Variants in DNAH14 observed in about 807,000 individuals in gnomAD.
The protein encoded by DNAH14 is axonemal beta dynein heavy chain 14.
A neutral mutation model predicts 520.9 loss-of-function variants in DNAH14; 478 were observed. The observed-to-expected ratio is 0.92, with a 90% confidence interval of 0.85 to 0.99. The LOEUF is 0.99. Ranked by LOEUF, DNAH14 falls within the 50% of genes least tolerant of loss-of-function variation. The pLI is 0.00. For missense variants in DNAH14, 4,831 were observed against 5,234.5 expected (o/e 0.92, Z 2.38); for synonymous variants, 1,581 against 1,757.2 (o/e 0.90, Z 2.51).
chr1:224,963,417 A>T (rs1236267205), intron 4 of DNAH14, among the ~76,000 whole-genome samples: 1 of 152,144 alleles, frequency 6.6e-6, no homozygotes, highest in African/African-American at 2.4e-5. Flanking sequence ...CCACATTTAT[A>T]GCTCTAATCC....
chr1:225,383,595 C>T (rs904611513), intron 81 of DNAH14, among the ~76,000 whole-genome samples: 3 of 152,122 alleles, frequency 2.0e-5, no homozygotes, highest in Non-Finnish European at 4.4e-5. Context: ...TAGAAATGTC[C>T]GGCTTGGACA....
intron 39 of DNAH14, among the ~76,000 whole-genome samples, chr1:225,204,597 T>C (rs943302273): frequency 2.0e-5 from 3 of 152,196 alleles, no homozygotes; most frequent in Non-Finnish European, 2.9e-5. Flanking sequence ...GCCACTGATA[T>C]TGCCTCTGAA....
chr1:225,161,035 C>T (rs570552831), intron 35 of DNAH14, among the ~76,000 whole-genome samples: 4 of 152,026 alleles, frequency 2.6e-5, no homozygotes, highest in Non-Finnish European at 5.9e-5. Flanking sequence ...GTTATATATA[C>T]TGTAAGTTCA....
Position 225,307,551 on chromosome 1 carries a change from A to C in DNAH14, c.9096A>C (p.Gln3032His), listed in dbSNP as rs766235139. The C allele has an allele frequency of 1.3e-6, 2 of 1,541,654 alleles. No homozygotes were observed. Among genetic ancestry groups the C allele is most frequent in the South Asian group, 2.4e-5 (2 of 82,650 alleles). ...MQEELLILGP[Q>H]VEQKTKETET... ...AAGAGCTCTTGATTCTTGGCCCTCAAGTAGAACAAAAAACAAAGGTATGTT... is the reference window on the plus strand; with the variant it reads ...AAGAGCTCTTGATTCTTGGCCCTCACGTAGAACAAAAAACAAAGGTATGTT... The change falls in exon 59 of 86, where the codon CAA becomes CAC. Residue 3032 changes from glutamine to histidine, a missense_variant. Coordinates refer to ENST00000682510, the MANE Select transcript of DNAH14 (RefSeq NM_001367479.1).
chr1:225,174,561 A>G (rs568673479), intron 36 of DNAH14, among the ~76,000 whole-genome samples: 1 of 152,144 alleles, frequency 6.6e-6, no homozygotes, highest in African/African-American at 2.4e-5. Flanking sequence ...TATTAGTTTT[A>G]AAAGCTTTTT....
chr1:225,277,647 C>G (rs980391721), intron 54 of DNAH14, 145 bp downstream of exon 54: 6 of 360,370 alleles, frequency 1.7e-5, no homozygotes, highest in Non-Finnish European at 3.4e-5. Flanking sequence ...CTCTTGTCCT[C>G]TCTGCAGTTT....
At chr1:225,325,868 C>A (rs1287675670) in intron 64 of DNAH14, among the ~76,000 whole-genome samples, 1 of 152,192 alleles carries the variant, frequency 6.6e-6, no homozygotes, top group Admixed American at 6.5e-5. Context: ...AGCGTTCCCA[C>A]TTGGCTGTAG....
chr1:225,073,456 A>G (rs2071801724), intron 17 of DNAH14, among the ~76,000 whole-genome samples: 1 of 152,074 alleles, frequency 6.6e-6, no homozygotes, highest in South Asian at 2.1e-4. Flanking sequence ...AGGATTGGGA[A>G]CCCACTTAAA....
intron 60 of DNAH14, among the ~76,000 whole-genome samples, chr1:225,312,372 C>T (rs552838932): frequency 6.6e-6 from 1 of 152,112 alleles, no homozygotes; most frequent in African/African-American, 2.4e-5. Context: ...TCTAAATATA[C>T]AATCATGTCA....
At chr1:225,216,575 G>A (rs370538180) in intron 41 of DNAH14, among the ~76,000 whole-genome samples, 4 of 152,164 alleles carry the variant, frequency 2.6e-5, no homozygotes, top group South Asian at 2.1e-4. Context: ...CCCATATTTC[G>A]TGGAGGTTTT....
intron 8 of DNAH14, among the ~76,000 whole-genome samples, chr1:224,984,538 A>T (rs956308182): frequency 5.3e-5 from 8 of 152,192 alleles, no homozygotes; most frequent in African/African-American, 1.9e-4. Context: ...AAAGATAAAT[A>T]GGGGGGACTT....
At chr1:224,976,356 A>T (rs1430988405) in intron 8 of DNAH14, among the ~76,000 whole-genome samples, 1 of 152,056 alleles carries the variant, frequency 6.6e-6, no homozygotes, top group African/African-American at 2.4e-5. Flanking sequence ...ATTGTGTGGG[A>T]GTCTAAGTCT....
At chr1:225,243,340 A>T (rs1008081060) in intron 43 of DNAH14, among the ~76,000 whole-genome samples, 3 of 152,136 alleles carry the variant, frequency 2.0e-5, no homozygotes, top group Non-Finnish European at 4.4e-5. Flanking sequence ...AGAAGCAATT[A>T]TAGAACTATA....
Position 225,324,798 on chromosome 1 carries a change from A to C in DNAH14, c.9689A>C (p.Gln3230Pro). 1 of 1,551,576 alleles carries C rather than the reference A, an allele frequency of 6.4e-7. No homozygotes were observed. Among genetic ancestry groups the C allele is most frequent in the Non-Finnish European group, 8.7e-7 (1 of 1,146,944 alleles). Reference sequence around the variant, plus strand: ...CAAAACGTCCTTAAAATTGCGCGACAAAGACTTGCTGAGAAACAAAGAGGT... The same window carrying C: ...CAAAACGTCCTTAAAATTGCGCGACCAAGACTTGCTGAGAAACAAAGAGGT... The part of the protein sequence containing the change: ...EAQNVLKIAR[Q>P]RLAEKQRGLQ... Residue 3230 changes from glutamine (Q) to proline (P), a missense_variant, in exon 64 of 86, where the codon CAA becomes CCA. By Grantham distance (76) the Gln-to-Pro change is moderately conservative. Transcript: ENST00000682510.
At chr1:225,285,791 C>T (rs1005816491) in intron 54 of DNAH14, among the ~76,000 whole-genome samples, 1 of 150,054 alleles carries the variant, frequency 6.7e-6, no homozygotes, top group East Asian at 2.0e-4. Flanking sequence ...CAGGAATTCA[C>T]GGCTGCAGTA....
At chr1:225,143,618 A>G (rs191344602) in intron 28 of DNAH14, among the ~76,000 whole-genome samples, 1 of 152,332 alleles carries the variant, frequency 6.6e-6, no homozygotes, top group East Asian at 1.9e-4. Context: ...CTAAATTCTG[A>G]GAAGATATTG....
chr1:225,095,680 T>G (rs1437978964), intron 21 of DNAH14, among the ~76,000 whole-genome samples: 1 of 152,212 alleles, frequency 6.6e-6, no homozygotes, highest in Admixed American at 6.5e-5. Flanking sequence ...TATTGATATA[T>G]GTAACAATAC....
chr1:225,082,740 G>A lies in DNAH14; in HGVS notation c.3327+1G>A. 1 of 1,534,294 alleles carries A rather than the reference G, an allele frequency of 6.5e-7. No individual in the cohort carries two copies. Among genetic ancestry groups the A allele is most frequent in the Non-Finnish European group, 8.8e-7 (1 of 1,142,620 alleles). ...AGTAGAGAATCTTCTAGCTCTCAAGGTAAATAAAAATGGTTTTTTAAAAAA... is the reference window on the plus strand; with the variant it reads ...AGTAGAGAATCTTCTAGCTCTCAAGATAAATAAAAATGGTTTTTTAAAAAA... On this transcript the variant is annotated splice_donor_variant, in intron 20 of 85. Transcript: ENST00000682510. LOFTEE classifies it high-confidence loss of function.
intron 1 of DNAH14, among the ~76,000 whole-genome samples, chr1:224,945,590 T>C (rs1453960708): frequency 1.3e-5 from 2 of 152,258 alleles, no homozygotes; most frequent in Non-Finnish European, 2.9e-5. Context: ...TTCCAGTTTT[T>C]CTGCTCTGTT....
Sources: gnomAD v4.1 joint callset for allele counts (sites outside exome capture counted in the v4.1 genomes callset) on GRCh38, gnomAD v4.1.1 for gene constraint, MANE v1.5 for transcripts, NCBI Gene and HGNC (gene_info 2026-07-23, HGNC 2026-07-21) for gene names.